The following ADAMTSL1 variants were observed in gnomAD, a reference collection of about 807,000 sequenced individuals.
The protein encoded by ADAMTSL1 is ADAMTS-like protein 1.
In ADAMTSL1, 126 loss-of-function variants were observed where a neutral mutation model predicts 201.8. The ratio of observed to expected loss-of-function variants is 0.62; its 90% confidence interval spans 0.54 to 0.72. The LOEUF (loss-of-function observed/expected upper bound fraction) is 0.72. Ranked by LOEUF, ADAMTSL1 falls within the 30% of genes least tolerant of loss-of-function variation. The pLI is 0.00. For missense variants in ADAMTSL1, 2,679 were observed against 2,277.8 expected (o/e 1.18, Z -3.59); for synonymous variants, 1,121 against 903.4 (o/e 1.24, Z -4.32).
chr9:18,083,366 G>A (rs1823600636), intron 1 of ADAMTSL1, among the ~76,000 whole-genome samples: 2 of 152,172 alleles, frequency 1.3e-5, no homozygotes, highest in Admixed American at 1.3e-4. Context: ...TCTAAAATTG[G>A]CTTAAGTCAT....
chr9:18,893,551 C>G (rs1199712635), intron 26 of ADAMTSL1, among the ~76,000 whole-genome samples: 1 of 152,172 alleles, frequency 6.6e-6, no homozygotes, highest in Non-Finnish European at 1.5e-5. Flanking sequence ...TATGGTAGGT[C>G]TGAGGTAGAA....
At chr9:18,191,606 T>TG (rs1828974251) in intron 2 of ADAMTSL1, among the ~76,000 whole-genome samples, 1 of 152,176 alleles carries the variant, frequency 6.6e-6, no homozygotes, top group African/African-American at 2.4e-5. Flanking sequence ...GCTCTGGCCT[T>TG]GGCAAGAAGA....
At chr9:18,196,172 G>T (rs753612939) in intron 2 of ADAMTSL1, among the ~76,000 whole-genome samples, 32 of 152,018 alleles carry the variant, frequency 2.1e-4, no homozygotes, top group Non-Finnish European at 4.1e-4. Context: ...GAGGTCTCCA[G>T]ATTTGCATTC....
intron 16 of ADAMTSL1, among the ~76,000 whole-genome samples, chr9:18,769,350 C>G (rs147507270): frequency 6.6e-6 from 1 of 152,328 alleles, no homozygotes; most frequent in Non-Finnish European, 1.5e-5. Context: ...AGGCAGCAAG[C>G]TAATGACAAG....
intron 23 of ADAMTSL1, among the ~76,000 whole-genome samples, chr9:18,843,078 T>G (rs1348833586): frequency 4.6e-5 from 7 of 151,688 alleles, no homozygotes; most frequent in Non-Finnish European, 8.8e-5. Flanking sequence ...CCTGTCATTA[T>G]GATGTTAGCT....
At chr9:18,109,192 C>T (rs1332721104) in intron 1 of ADAMTSL1, among the ~76,000 whole-genome samples, 1 of 152,160 alleles carries the variant, frequency 6.6e-6, no homozygotes, top group Non-Finnish European at 1.5e-5. Flanking sequence ...AATAATCTTT[C>T]CTCCTTTACA....
intron 1 of ADAMTSL1, among the ~76,000 whole-genome samples, chr9:18,133,984 G>A (rs906210960): frequency 1.3e-5 from 2 of 152,160 alleles, no homozygotes; most frequent in South Asian, 2.1e-4. Context: ...TGTATTGAGA[G>A]AAGATGGAAT....
In ADAMTSL1 at chr9:17,940,813, A is replaced by AAC. The variant is rs1554667553; in HGVS notation, c.87+33892_87+33893insCA. 1.4e-3 allele frequency among the ~76,000 whole-genome samples: 96 copies of AAC among 68,302 alleles called. 9 individuals are homozygous for AAC. The East Asian group carries it at 0.031, about 22-fold the overall frequency. 44.8% of individuals were successfully genotyped at this position (68,302 alleles called of 152,430 possible). A position where few individuals can be genotyped will look rare whatever the true frequency, so the allele number is the denominator to read the frequency against. ...TAAAAGTAAATAACACCCCCCCCCC[A>AAC]AAAAAAAGAAAGAAATAACGACTCG... On this transcript the variant is annotated intron_variant, in intron 1 of 29. Coordinates refer to the ADAMTSL1 transcript ENST00000680146.
chr9:18,250,081 T>C (rs555196867), intron 2 of ADAMTSL1, among the ~76,000 whole-genome samples: 2 of 152,350 alleles, frequency 1.3e-5, no homozygotes, highest in South Asian at 4.1e-4. Flanking sequence ...AAAAGTGTTA[T>C]CAGTGTAGTT....
intron 13 of ADAMTSL1, among the ~76,000 whole-genome samples, chr9:18,693,090 A>G (rs1454874107): frequency 6.6e-6 from 1 of 152,216 alleles, no homozygotes; most frequent in Non-Finnish European, 1.5e-5. Context: ...GACAAAAAAG[A>G]CAAAAGCTCT....
intron 2 of ADAMTSL1, among the ~76,000 whole-genome samples, chr9:18,170,138 T>C (rs892651174): frequency 4.6e-5 from 7 of 152,082 alleles, no homozygotes; most frequent in Non-Finnish European, 8.8e-5. Context: ...ACTTACCCAA[T>C]GTATTATGTC....
Position 18,889,805 on chromosome 9 carries a change from T to A in ADAMTSL1, c.4643+57T>A. 2.2e-6 allele frequency: 3 copies of A among 1,384,902 alleles called. No individual in the cohort carries two copies. In the South Asian group the frequency reaches 5.1e-5, roughly 24 times the overall value. 85.8% of individuals were successfully genotyped at this position (1,384,902 alleles called of 1,614,324 possible). On this transcript the variant is annotated intron_variant, in intron 25 of 28. Coordinates refer to ENST00000380548, the MANE Select transcript of ADAMTSL1 (RefSeq NM_001040272.6). ...CCACCCTAGGAGGAGCCCTCCCTGT[T>A]AGCGAAGTCAGTGGCCAGCCCTTCA...
In ADAMTSL1 at chr9:18,633,684, T is replaced by G. The variant is rs542069150; in HGVS notation, c.602-2259T>G. On this transcript the variant is annotated intron_variant, in intron 5 of 28. Transcript: ENST00000380548. ...TTCCTTTTCTATATTCCCCTTACAC[T>G]TTTTTCTGTTGTTGTTCTTATATAC... Among the ~76,000 whole-genome samples, 123 of 149,196 alleles carry G rather than the reference T, an allele frequency of 8.2e-4. 1 individual carries two copies. Among genetic ancestry groups the G allele is most frequent in the Non-Finnish European group, 1.3e-3 (85 of 67,360 alleles).
intron 4 of ADAMTSL1, among the ~76,000 whole-genome samples, chr9:18,586,850 A>G (rs1823524452): frequency 6.6e-6 from 1 of 152,056 alleles, no homozygotes; most frequent in African/African-American, 2.4e-5. Flanking sequence ...TGAGGAAAGG[A>G]CTCCCTATTC....
At chr9:18,710,671 GTTTTT>G (rs1218055587) in intron 14 of ADAMTSL1, among the ~76,000 whole-genome samples, 1 of 97,182 alleles carries the variant, frequency 1.0e-5, no homozygotes, top group South Asian at 3.1e-4. Flanking sequence ...GTTTTGTTTT[GTTTTT>G]TTTTTTTTTT....
chr9:18,896,217 C>T (rs1232181273), intron 26 of ADAMTSL1, among the ~76,000 whole-genome samples: 9 of 152,132 alleles, frequency 5.9e-5, no homozygotes, highest in Admixed American at 5.9e-4. Flanking sequence ...ATCTACAAAT[C>T]CAAGAAGCTA....
At chr9:18,372,184 G>A (rs1229196708) in intron 2 of ADAMTSL1, among the ~76,000 whole-genome samples, 5 of 152,078 alleles carry the variant, frequency 3.3e-5, no homozygotes, top group Non-Finnish European at 7.4e-5. Flanking sequence ...TAAAACAAGA[G>A]GGAATACATA....
chr9:18,017,599 G>A (rs532128052), intron 1 of ADAMTSL1, among the ~76,000 whole-genome samples: 7 of 151,986 alleles, frequency 4.6e-5, no homozygotes, highest in Middle Eastern at 3.4e-3. Context: ...CGGTCTGCGA[G>A]CATTTTTGTT....
At chr9:18,354,868 A>T (rs1836139987) in intron 2 of ADAMTSL1, among the ~76,000 whole-genome samples, 1 of 152,038 alleles carries the variant, frequency 6.6e-6, no homozygotes, top group Non-Finnish European at 1.5e-5. Flanking sequence ...GTACTTGGGA[A>T]GCCGAGGCAG....
Sources: gnomAD v4.1 joint callset for allele counts (sites outside exome capture counted in the v4.1 genomes callset) on GRCh38, gnomAD v4.1.1 for gene constraint, MANE v1.5 for transcripts, NCBI Gene and HGNC (gene_info 2026-07-23, HGNC 2026-07-21) for gene names.